The following LUC7L3 variants were observed in gnomAD, a reference collection of about 807,000 sequenced individuals.
LUC7L3 encodes the protein luc7-like protein 3.
Under a neutral mutation model 66.8 loss-of-function variants are expected in LUC7L3, and 6 were observed. That is an observed-to-expected ratio of 0.09 (90% CI 0.05 to 0.18). The LOEUF (loss-of-function observed/expected upper bound fraction) is 0.18. Among genes scored for constraint, LUC7L3 ranks in the 10% least tolerant of loss-of-function variants. LUC7L3 has a pLI of 1.00. For missense variants in LUC7L3, 341 were observed against 531.1 expected, an observed-to-expected ratio of 0.64 and a Z score of 3.52; for synonymous variants, 160 against 174.7, an observed-to-expected ratio of 0.92 and a Z score of 0.66.
chr17:50,751,926 T>C lies in LUC7L3; in HGVS notation c.*1265T>C. 1 of 1,029,708 alleles carries C rather than the reference T, an allele frequency of 9.7e-7. No homozygotes were observed. Among genetic ancestry groups the C allele is most frequent in the Non-Finnish European group, 1.2e-6 (1 of 856,234 alleles). The allele number at this position is 1,029,708 out of a possible 1,614,324, so 63.8% of individuals were successfully genotyped here. A position where few individuals can be genotyped will look rare whatever the true frequency, so the allele number is the denominator to read the frequency against. On this transcript the variant is annotated 3_prime_UTR_variant, in exon 10 of 10. Coordinates refer to ENST00000505658, the MANE Select transcript of LUC7L3 (RefSeq NM_016424.5). ...GTGGTGTGGGACAAAATATTCCTAA[T>C]GAAAGGAAGTACCAATTAGTTGATT...
chr17:50,745,688 A>G (rs200668197), intron 7 of LUC7L3, 32 bp from the exon 8 acceptor site: 4 of 1,550,056 alleles, frequency 2.6e-6, no homozygotes, highest in African/African-American at 2.8e-5. Context: ...TTAAAGTTAC[A>G]TTTGCATAAG....
chr17:50,720,281 T>C (rs1457663535), intron 1 of LUC7L3, among the ~76,000 whole-genome samples: 3 of 152,244 alleles, frequency 2.0e-5, no homozygotes, highest in Non-Finnish European at 4.4e-5. Flanking sequence ...GCATGACGCT[T>C]ATACGGGGAA....
At chr17:50,746,360 CTT>C (rs1310127936) in intron 8 of LUC7L3, among the ~76,000 whole-genome samples, 180 bp from the exon 9 acceptor site, 1 of 152,172 alleles carries the variant, frequency 6.6e-6, no homozygotes, top group Non-Finnish European at 1.5e-5. Context: ...CGATAACCAT[CTT>C]AGCACTATTG....
chr17:50,748,150 T>G (rs1006561885), intron 9 of LUC7L3, among the ~76,000 whole-genome samples: 2 of 152,220 alleles, frequency 1.3e-5, no homozygotes, highest in African/African-American at 4.8e-5. Context: ...TTCTTAGGGA[T>G]AAAAGCTAGC....
In LUC7L3 at chr17:50,751,500, AACTTATAAAACAAATGTTAACAGAATGG is replaced by A. The variant is rs1970971700; in HGVS notation, c.*841_*868del. ...AGGGGTTTTTTGTGTATTGCGTGAA[AACTTATAAAACAAATGTTAACAGAATGG>A]AATTTTTTTTCAACTGTATGTAGGG... On this transcript the variant is annotated 3_prime_UTR_variant, in exon 10 of 10. Transcript: ENST00000505658. The A allele has an allele frequency of 8.5e-7, 1 of 1,182,078 alleles. No homozygotes were observed. The allele number at this position is 1,182,078 out of a possible 1,614,324, so 73.2% of individuals were successfully genotyped here.
chr17:50,719,847 C>CG lies in LUC7L3; in HGVS notation c.99+16_99+17insG, dbSNP rs1484982629. ...CCACGAGAGCGTAAGTCCCGCGGGC[C>CG]TTGGCCTGAGCCCGGGCTCCGTGGG... is the stretch of plus-strand genomic sequence containing the variant. On this transcript the variant is annotated intron_variant, in intron 1 of 9. Coordinates refer to ENST00000505658, the MANE Select transcript of LUC7L3 (RefSeq NM_016424.5). The CG allele has an allele frequency of 9.0e-6, 13 of 1,443,436 alleles. No homozygotes were observed. The highest frequency in any genetic ancestry group is 1.8e-4 in the Middle Eastern group (1 of 5,696). The allele number at this position is 1,443,436 out of a possible 1,614,324, so 89.4% of individuals were successfully genotyped here.
At chr17:50,729,924 ATATATATATATATATATATATG>A (rs1275525355) in intron 1 of LUC7L3, among the ~76,000 whole-genome samples, 11 of 40,366 alleles carry the variant, frequency 2.7e-4, no homozygotes, top group Admixed American at 8.6e-4. Context: ...ATATATATAT[ATATATATATATATATATATATG>A]TATGTATTTT....
chr17:50,749,303 C>T (rs781637659), intron 9 of LUC7L3: 14 of 1,289,214 alleles, frequency 1.1e-5, no homozygotes, highest in Admixed American at 9.2e-5. Context: ...ACCTGTGCAC[C>T]GGAGAAGCCC....
At chr17:50,731,733 G>C (rs1394657707) in intron 1 of LUC7L3, among the ~76,000 whole-genome samples, 1 of 152,150 alleles carries the variant, frequency 6.6e-6, no homozygotes, top group Non-Finnish European at 1.5e-5. Context: ...GGATTCTGTA[G>C]ATATAGCTGG....
Position 50,750,967 on chromosome 17 carries a change from T to A in LUC7L3, c.*306T>A. Reference sequence around the variant, plus strand: ...GTCGCCATTGAAAAGTTAATTATCCTTTTTTTAGGGATTTTGATGTCATTT... The same window carrying A: ...GTCGCCATTGAAAAGTTAATTATCCATTTTTTAGGGATTTTGATGTCATTT... On this transcript the variant is annotated 3_prime_UTR_variant, in exon 10 of 10. Coordinates refer to ENST00000505658, the MANE Select transcript of LUC7L3 (RefSeq NM_016424.5). The A allele has an allele frequency of 6.7e-7, 1 of 1,483,952 alleles. No homozygotes were observed. The highest frequency in any genetic ancestry group is 8.9e-7 in the Non-Finnish European group (1 of 1,124,222). The allele number at this position is 1,483,952 out of a possible 1,614,324, so 91.9% of individuals were successfully genotyped here. A position where few individuals can be genotyped will look rare whatever the true frequency, so the allele number is the denominator to read the frequency against.
Position 50,751,651 on chromosome 17 carries a change from C to A in LUC7L3, c.*990C>A. 9.0e-7 allele frequency: 1 copy of A among 1,106,612 alleles called. No homozygotes were observed. Among genetic ancestry groups the A allele is most frequent in the South Asian group, 2.2e-5 (1 of 45,966 alleles). The allele number at this position is 1,106,612 out of a possible 1,614,324, so 68.5% of individuals were successfully genotyped here. On this transcript the variant is annotated 3_prime_UTR_variant, in exon 10 of 10. Coordinates refer to ENST00000505658, the MANE Select transcript of LUC7L3 (RefSeq NM_016424.5). ...GTTACACTCAATGCAATTCTCAAGT[C>A]TATAAGAGGTATGTGCTTAATATTT...
intron 1 of LUC7L3, among the ~76,000 whole-genome samples, chr17:50,728,613 C>T (rs996082435): frequency 8.5e-5 from 13 of 152,218 alleles, no homozygotes; most frequent in East Asian, 3.9e-4. Context: ...AGTGCAGTGG[C>T]GCGATCTCAG....
intron 9 of LUC7L3, among the ~76,000 whole-genome samples, chr17:50,749,638 C>T (rs1476038933): frequency 1.3e-5 from 2 of 152,222 alleles, no homozygotes; most frequent in Admixed American, 1.3e-4. Context: ...TAATTAACTA[C>T]TCTGCCAGAC....
At chr17:50,750,412 C>T in intron 9 of LUC7L3, 89 bp from the exon 10 acceptor site, 1 of 1,214,022 alleles carries the variant, frequency 8.2e-7, no homozygotes, top group Admixed American at 2.3e-5. Flanking sequence ...GATTGTCTCT[C>T]ATCTCTCAGT....
intron 1 of LUC7L3, among the ~76,000 whole-genome samples, chr17:50,735,217 C>T (rs1045779462): frequency 7.3e-6 from 1 of 137,408 alleles, no homozygotes; most frequent in African/African-American, 2.8e-5. Flanking sequence ...GCAACAAGAG[C>T]GAAACTCTGT....
At chr17:50,741,588 G>A (rs1404598938) in intron 4 of LUC7L3, 69 bp from the exon 5 acceptor site, 2 of 859,422 alleles carry the variant, frequency 2.3e-6, no homozygotes, top group East Asian at 2.6e-5. Context: ...ATTATGTATG[G>A]TATGTGCAAG....
At chr17:50,739,502 A>C (rs1276616024) in intron 2 of LUC7L3, among the ~76,000 whole-genome samples, 1 of 152,108 alleles carries the variant, frequency 6.6e-6, no homozygotes, top group Non-Finnish European at 1.5e-5. Context: ...AAATACAAAA[A>C]AATTACGCAG....
At chr17:50,733,103 G>A (rs925418612) in intron 1 of LUC7L3, among the ~76,000 whole-genome samples, 2 of 152,144 alleles carry the variant, frequency 1.3e-5, no homozygotes, top group African/African-American at 4.8e-5. Context: ...TGGTCATGAG[G>A]CTGTTAGAAG....
chr17:50,723,827 G>T (rs1242432148), intron 1 of LUC7L3: 3 of 355,324 alleles, frequency 8.4e-6, no homozygotes, highest in Non-Finnish European at 5.6e-6. Flanking sequence ...AGTCGACAGG[G>T]TTTTGCCATA....
Sources: gnomAD v4.1 joint callset for allele counts (sites outside exome capture counted in the v4.1 genomes callset) on GRCh38, gnomAD v4.1.1 for gene constraint, MANE v1.5 for transcripts, NCBI Gene and HGNC (gene_info 2026-07-23, HGNC 2026-07-21) for gene names.